The following DSCAM variants were observed in gnomAD, a reference collection of about 807,000 sequenced individuals.
DSCAM encodes the protein cell adhesion molecule DSCAM.
Under a neutral mutation model 217.7 loss-of-function variants are expected in DSCAM, and 47 were observed. The ratio of observed to expected loss-of-function variants is 0.22; its 90% CI spans 0.17 to 0.28. The LOEUF is 0.28. Among genes scored for constraint, DSCAM ranks in the 10% least tolerant of loss-of-function variants. The pLI, the probability that DSCAM is intolerant of heterozygous loss-of-function variation, is 1.00. For missense variants in DSCAM, 2,080 were observed against 2,618.3 expected (o/e 0.79, Z 4.49); for synonymous variants, 1,056 against 1,015.3 (o/e 1.04, Z -0.76).
intron 21 of DSCAM, among the ~76,000 whole-genome samples, chr21:40,091,675 G>A (rs2146587942): frequency 6.6e-6 from 1 of 152,254 alleles, no homozygotes; most frequent in African/African-American, 2.4e-5. Context: ...AATTTATAAA[G>A]GAAAGGGGTT....
intron 3 of DSCAM, among the ~76,000 whole-genome samples, chr21:40,416,809 GAATT>G (rs947912352): frequency 6.6e-6 from 1 of 152,124 alleles, no homozygotes; most frequent in African/African-American, 2.4e-5. Flanking sequence ...GATGATTTCA[GAATT>G]AATTTAGGAT....
chr21:40,226,956 C>T (rs436309), intron 11 of DSCAM, among the ~76,000 whole-genome samples: 78,082 of 151,934 alleles, frequency 0.51, 20,924 homozygotes, highest in African/African-American at 0.66. Flanking sequence ...TGTGTCCATG[C>T]GTTCTCCTCA....
At chr21:40,384,126 T>G (rs575714637) in intron 3 of DSCAM, 1 of 152,376 alleles carries the variant, frequency 6.6e-6, no homozygotes, top group Admixed American at 6.5e-5. Context: ...GCTGCAGGGC[T>G]GACGTGGCCC....
chr21:40,126,818 C>T (rs1454241378), intron 19 of DSCAM, among the ~76,000 whole-genome samples: 1 of 152,170 alleles, frequency 6.6e-6, no homozygotes, highest in African/African-American at 2.4e-5. Flanking sequence ...CTTACACAGT[C>T]TTTCCTTGTA....
At chr21:40,213,828 G>T (rs139437764) in intron 11 of DSCAM, among the ~76,000 whole-genome samples, 2 of 152,260 alleles carry the variant, frequency 1.3e-5, no homozygotes, top group African/African-American at 4.8e-5. Flanking sequence ...TTCTAGTGCA[G>T]GGATATAAGG....
At chr21:40,029,629 A>G (rs1210015197) in intron 32 of DSCAM, among the ~76,000 whole-genome samples, 1 of 152,146 alleles carries the variant, frequency 6.6e-6, no homozygotes, top group Admixed American at 6.5e-5. Flanking sequence ...ACCTGAAGAA[A>G]GAGCCTACCT....
chr21:40,189,003 A>G (rs776829548), intron 12 of DSCAM, 39 bp downstream of exon 12: 2 of 1,594,120 alleles, frequency 1.3e-6, no homozygotes, highest in Non-Finnish European at 1.7e-6. Context: ...TTCTTCCAAT[A>G]AAGTTCATTC....
At chr21:40,407,163 C>A (rs764077188) in intron 3 of DSCAM, among the ~76,000 whole-genome samples, 1 of 152,102 alleles carries the variant, frequency 6.6e-6, no homozygotes, top group African/African-American at 2.4e-5. Context: ...AAAAATGAGT[C>A]TGCAGTAATA....
intron 3 of DSCAM, among the ~76,000 whole-genome samples, chr21:40,507,169 C>T (rs1294389570): frequency 3.3e-5 from 5 of 151,966 alleles, no homozygotes; most frequent in Admixed American, 6.6e-5. Flanking sequence ...CCCAGCTACT[C>T]GGGAAGCTGA....
At chr21:40,036,948 CT>C (rs2146461665) in intron 32 of DSCAM, among the ~76,000 whole-genome samples, 1 of 150,790 alleles carries the variant, frequency 6.6e-6, no homozygotes, top group African/African-American at 2.5e-5. Context: ...CAGAAAGGGC[CT>C]TTGACAAAAT....
intron 1 of DSCAM, among the ~76,000 whole-genome samples, chr21:40,827,033 G>A (rs75734670): frequency 0.026 from 3,938 of 151,992 alleles, 165 homozygotes; most frequent in African/African-American, 0.09. Context: ...GAAGAGAGGG[G>A]TAAGAATTAA....
intron 3 of DSCAM, among the ~76,000 whole-genome samples, chr21:40,546,803 A>T (rs573517786): frequency 6.6e-6 from 1 of 152,318 alleles, no homozygotes; most frequent in Admixed American, 6.5e-5. Context: ...GCCTCACCCC[A>T]AAACCCATAG....
rs1192263353 is a variant in DSCAM at position 40,686,901 on chromosome 21, G to GA, written c.508+5908dup. On this transcript the variant is annotated intron_variant, in intron 3 of 32. Coordinates refer to ENST00000400454, the MANE Select transcript of DSCAM (RefSeq NM_001389.5). ...ATTTAGTGAGCGATAGACTTAAATGGAAAAAGTATAACATAATTAATGATT... is the reference window on the plus strand; with the variant it reads ...ATTTAGTGAGCGATAGACTTAAATGGAAAAAAGTATAACATAATTAATGATT... Among the ~76,000 whole-genome samples, 3 of 152,112 alleles carry GA rather than the reference G, an allele frequency of 2.0e-5. No individual in the cohort carries two copies. The East Asian group carries it at 5.8e-4, about 29-fold the overall frequency.
chr21:40,216,957 T>C (rs905370836), intron 11 of DSCAM, among the ~76,000 whole-genome samples: 1 of 152,236 alleles, frequency 6.6e-6, no homozygotes, highest in Non-Finnish European at 1.5e-5. Flanking sequence ...CAAAGATGGC[T>C]GTGTCTGAAA....
At chr21:40,353,810 G>A (rs2074661667) in intron 4 of DSCAM, 67 bp from the exon 5 acceptor site, 3 of 1,352,482 alleles carry the variant, frequency 2.2e-6, no homozygotes, top group East Asian at 2.7e-5. Context: ...AGAATTGTAG[G>A]ACTTCATGTA....
In DSCAM at chr21:40,353,728, G is replaced by C. The variant is rs771366243; in HGVS notation, c.671C>G (p.Ala224Gly). ...GTCAAACCCATCCAGTATGGATGGG[G>C]CTGAGTTCGCTGGGTCTGTAGAAGA... ...RLFVSDPANSAPSILDGFDHR... is the reference protein window; with the variant it reads ...RLFVSDPANSGPSILDGFDHR... The change falls in exon 5 of 33, where the codon GCC becomes GGC. Residue 224 changes from alanine to glycine, a missense_variant. Coordinates refer to ENST00000400454, the MANE Select transcript of DSCAM (RefSeq NM_001389.5). 3.2e-6 allele frequency: 5 copies of C among 1,548,344 alleles called. No homozygotes were observed. Among genetic ancestry groups the C allele is most frequent in the South Asian group, 2.5e-5 (2 of 80,910 alleles).
In DSCAM at chr21:40,480,854, A is replaced by G. The variant is rs577496285; in HGVS notation, c.509-111609T>C. Among the ~76,000 whole-genome samples the G allele has an allele frequency of 2.6e-5, 4 of 152,328 alleles. No individual in the cohort carries two copies. The East Asian group carries it at 5.8e-4, about 22-fold the overall frequency. The stretch of plus-strand genomic sequence containing the variant: ...AGGTCAAAAGGCACTCTAAATATCA[A>G]TATTTATATCTTTTCTCTGATGCAA... On this transcript the variant is annotated intron_variant, in intron 3 of 32. Coordinates refer to ENST00000400454, the MANE Select transcript of DSCAM (RefSeq NM_001389.5).
At chr21:40,807,623 C>A (rs956635426) in intron 1 of DSCAM, among the ~76,000 whole-genome samples, 1 of 152,284 alleles carries the variant, frequency 6.6e-6, no homozygotes, top group African/African-American at 2.4e-5. Context: ...TCATTTATAG[C>A]AACTGACAAT....
intron 6 of DSCAM, among the ~76,000 whole-genome samples, chr21:40,343,404 T>C (rs1192420389): frequency 6.6e-6 from 1 of 152,186 alleles, no homozygotes; most frequent in Non-Finnish European, 1.5e-5. Context: ...CCAGGAAGTA[T>C]GATTTTAGCT....
Sources: allele counts gnomAD v4.1 joint callset (sites outside exome capture counted in the v4.1 genomes callset), GRCh38; gene constraint gnomAD v4.1.1; transcripts MANE v1.5; gene names NCBI Gene and HGNC (gene_info 2026-07-23, HGNC 2026-07-21).